SNAP25: variants seen among roughly 807,000 people sequenced by gnomAD.
The protein encoded by SNAP25 is synaptosome associated protein 25, also known as synaptosomal-associated protein 25.
In SNAP25, 3 loss-of-function variants were observed where a neutral mutation model predicts 28.7. That is an observed-to-expected ratio of 0.10 (90% confidence interval 0.05 to 0.27). SNAP25 has a LOEUF of 0.27. Ranked by LOEUF, SNAP25 falls within the 10% of genes least tolerant of loss-of-function variation. The probability of loss-of-function intolerance (pLI) is 1.00; values close to 1 mark genes in which losing one functional copy is unlikely to be tolerated. For missense variants in SNAP25, 117 were observed against 278.7 expected (o/e 0.42, Z 4.13); for synonymous variants, 61 against 88.1 (o/e 0.69, Z 1.72).
chr20:10,230,932 G>C (rs1391850085), intron 1 of SNAP25, among the ~76,000 whole-genome samples: 1 of 152,086 alleles, frequency 6.6e-6, no homozygotes, highest in African/African-American at 2.4e-5. Flanking sequence ...CTCCTTTATT[G>C]TGCTTTGTTT....
At chr20:10,272,148 C>T (rs1167978915) in intron 1 of SNAP25, among the ~76,000 whole-genome samples, 1 of 152,206 alleles carries the variant, frequency 6.6e-6, no homozygotes, top group Non-Finnish European at 1.5e-5. Flanking sequence ...TTGTTCCACT[C>T]TTAGCCAAGG....
At chr20:10,282,208 GAAGGAAGGAAGGAAGGAAGGGA>G (rs1287439700) in intron 3 of SNAP25, among the ~76,000 whole-genome samples, 133 of 145,488 alleles carry the variant, frequency 9.1e-4, no homozygotes, top group Non-Finnish European at 1.7e-3. Context: ...AGGAAGGAAG[GAAGGAAGGAAGGAAGGAAGGGA>G]AAGGAAGGAA....
rs1412475970 is a variant in SNAP25, at chr20:10,306,359, G to A, written c.*162G>A. The A allele has an allele frequency of 1.7e-6, 1 of 603,818 alleles. No homozygotes were observed. The highest frequency in any genetic ancestry group is 1.9e-5 in the African/African-American group (1 of 53,024). The allele number at this position is 603,818 out of a possible 1,614,324, so 37.4% of individuals were successfully genotyped here. ...TCTGTCAGCTTCCCAACAATACTTT[G>A]TGTCTTTTGTTCTCTCTTGGTCTCT... is the stretch of plus-strand genomic sequence containing the variant. On this transcript the variant is annotated 3_prime_UTR_variant, in exon 8 of 8. Coordinates refer to ENST00000254976, the MANE Select transcript of SNAP25 (RefSeq NM_130811.4).
chr20:10,279,803 G>A (rs2063749489), intron 3 of SNAP25, among the ~76,000 whole-genome samples: 1 of 152,334 alleles, frequency 6.6e-6, no homozygotes, highest in Admixed American at 6.5e-5. Context: ...ATAAATGAGA[G>A]GAGGCTATTA....
chr20:10,273,497 G>T (rs186704692), intron 1 of SNAP25, among the ~76,000 whole-genome samples: 7 of 152,260 alleles, frequency 4.6e-5, no homozygotes, highest in Admixed American at 4.6e-4. Context: ...TTTTCTCCAT[G>T]CAGGGATATG....
At chr20:10,273,249 AAATCTAATTTC>A (rs2063629417) in intron 1 of SNAP25, among the ~76,000 whole-genome samples, 1 of 152,166 alleles carries the variant, frequency 6.6e-6, no homozygotes, top group African/African-American at 2.4e-5. Flanking sequence ...CCAAGGCCCC[AAATCTAATTTC>A]CTCTCCCAGC....
intron 1 of SNAP25, among the ~76,000 whole-genome samples, chr20:10,237,105 G>A (rs1361475723): frequency 6.6e-6 from 1 of 152,088 alleles, no homozygotes; most frequent in South Asian, 2.1e-4. Context: ...GTGATCCTAG[G>A]AAGCGCTGAT....
intron 1 of SNAP25, among the ~76,000 whole-genome samples, chr20:10,250,296 C>G (rs151174186): frequency 2.8e-4 from 43 of 152,246 alleles, no homozygotes; most frequent in Middle Eastern, 3.4e-3. Flanking sequence ...TCTGAAAGAG[C>G]TTGTTGAGTG....
intron 1 of SNAP25, among the ~76,000 whole-genome samples, chr20:10,256,729 A>G (rs1168481190): frequency 6.6e-6 from 1 of 152,182 alleles, no homozygotes; most frequent in Non-Finnish European, 1.5e-5. Flanking sequence ...CAATGGCAAA[A>G]AGAAAGGGAA....
chr20:10,294,635 T>C (rs1472111712), intron 5 of SNAP25, among the ~76,000 whole-genome samples: 1 of 152,144 alleles, frequency 6.6e-6, no homozygotes, highest in African/African-American at 2.4e-5. Context: ...TCAGTATAAA[T>C]GATAACCAAG....
chr20:10,234,200 C>A (rs956627621), intron 1 of SNAP25, among the ~76,000 whole-genome samples: 5 of 149,442 alleles, frequency 3.3e-5, no homozygotes, highest in Non-Finnish European at 1.5e-5. Context: ...TTTTTTTGAA[C>A]TTCATCACAG....
At chr20:10,301,577 A>G (rs1316100495) in intron 7 of SNAP25, among the ~76,000 whole-genome samples, 1 of 152,018 alleles carries the variant, frequency 6.6e-6, no homozygotes, top group African/African-American at 2.4e-5. Flanking sequence ...AGTTTCCTGC[A>G]TATCTAAGAT....
chr20:10,299,024 A>C (rs1259494385), intron 6 of SNAP25, among the ~76,000 whole-genome samples: 1 of 152,218 alleles, frequency 6.6e-6, no homozygotes, highest in Non-Finnish European at 1.5e-5. Context: ...AAGGAGTGAG[A>C]AAGTAGATAA....
intron 4 of SNAP25, among the ~76,000 whole-genome samples, chr20:10,287,719 T>C (rs1460185097): frequency 3.3e-5 from 5 of 151,250 alleles, no homozygotes; most frequent in Admixed American, 6.6e-5. Flanking sequence ...CATATGTTTA[T>C]TGCAGCACTA....
At position 10,252,918 on chromosome 20, in the gene SNAP25, G is replaced by GA. The variant is rs572798522; in HGVS notation, c.-63-22501dup. 1.3e-3 allele frequency among the ~76,000 whole-genome samples: 189 copies of GA among 143,672 alleles called. 4 individuals are homozygous for GA. In the South Asian group the frequency reaches 0.032, roughly 24 times the overall value. 94.3% of individuals were successfully genotyped at this position (143,672 alleles called of 152,430 possible). A position where few individuals can be genotyped will look rare whatever the true frequency, so the allele number is the denominator to read the frequency against. ...TCCCTGAGGCTCAGATTCTCCATCT[G>GA]AAAAAAAAAAGGGAGATAATAATAG... On this transcript the variant is annotated intron_variant, in intron 1 of 7. Coordinates refer to ENST00000254976, the MANE Select transcript of SNAP25 (RefSeq NM_130811.4).
chr20:10,304,666 A>G (rs1227526155), intron 7 of SNAP25, among the ~76,000 whole-genome samples: 1 of 152,184 alleles, frequency 6.6e-6, no homozygotes, highest in Non-Finnish European at 1.5e-5. Flanking sequence ...TTTTTCTTGA[A>G]ATGTCGTGAC....
chr20:10,237,114 A>C (rs1345295143), intron 1 of SNAP25, among the ~76,000 whole-genome samples: 2 of 152,076 alleles, frequency 1.3e-5, no homozygotes, highest in African/African-American at 4.8e-5. Flanking sequence ...GGAAGCGCTG[A>C]TGGGGGAGTG....
chr20:10,297,014 G>A lies in SNAP25; in HGVS notation c.371G>A (p.Arg124Gln), dbSNP rs2123143633. Residue 124 changes from arginine (R) to glutamine (Q), a missense_variant, in exon 6 of 8, where the codon CGG (arginine) becomes CAG (glutamine). Arg to Gln is a conservative substitution (Grantham distance 43). Around this residue, in one of 3 missense-constraint regions of SNAP25, gnomAD observed 88 missense variants for 206.9 expected, o/e 0.43. Coordinates refer to ENST00000254976, the MANE Select transcript of SNAP25 (RefSeq NM_130811.4). ...CAGCCTGCTCGTGTAGTGGACGAACGGGAGCAGATGGCCATCAGTGGCGGC... is the reference window on the plus strand; with the variant it reads ...CAGCCTGCTCGTGTAGTGGACGAACAGGAGCAGATGGCCATCAGTGGCGGC... ...ASQPARVVDE[R>Q]EQMAISGGFI... The A allele has an allele frequency of 6.2e-7, 1 of 1,609,510 alleles. No individual in the cohort carries two copies. Among genetic ancestry groups the A allele is most frequent in the Non-Finnish European group, 8.5e-7 (1 of 1,177,480 alleles).
intron 1 of SNAP25, among the ~76,000 whole-genome samples, chr20:10,254,290 T>C (rs1315626513): frequency 6.6e-6 from 1 of 152,188 alleles, no homozygotes; most frequent in Admixed American, 6.5e-5. Flanking sequence ...AGCCCAGCTC[T>C]CTCTCCTGGA....
Sources: allele counts gnomAD v4.1 joint callset (sites outside exome capture counted in the v4.1 genomes callset), GRCh38; gene constraint gnomAD v4.1.1; regional missense constraint gnomAD v4.1.1; transcripts MANE v1.5; gene names NCBI Gene and HGNC (gene_info 2026-07-23, HGNC 2026-07-21).